The following TOX variants were observed in gnomAD, a reference collection of about 807,000 sequenced individuals.
The protein encoded by TOX is thymocyte selection-associated high mobility group box protein TOX.
In TOX, 11 loss-of-function variants were observed where a neutral mutation model predicts 53.7. That is an observed-to-expected ratio of 0.20 (90% CI 0.13 to 0.34). The LOEUF (loss-of-function observed/expected upper bound fraction) is 0.34, where lower values mean the gene tolerates loss of function less well. Ranked by LOEUF, TOX falls within the 10% of genes least tolerant of loss-of-function variation. TOX has a pLI of 1.00. For synonymous variants in TOX, 225 were observed against 245.3 expected (o/e 0.92, Z 0.77); for missense variants, 570 against 664.6 (o/e 0.86, Z 1.56).
chr8:59,022,428 C>A (rs539628568), intron 1 of TOX, among the ~76,000 whole-genome samples: 2 of 152,202 alleles, frequency 1.3e-5, no homozygotes, highest in Non-Finnish European at 2.9e-5. Context: ...CTTTCTAGAC[C>A]CCATTTACAA....
chr8:58,827,035 A>C, intron 5 of TOX, 133 bp from the exon 6 acceptor site: 1 of 496,708 alleles, frequency 2.0e-6, no homozygotes. Context: ...TATCTCCCCA[A>C]AGATTGTGTT....
At chr8:58,966,876 T>TA (rs1812911711) in intron 1 of TOX, among the ~76,000 whole-genome samples, 1 of 145,338 alleles carries the variant, frequency 6.9e-6, no homozygotes. Context: ...AGTTATTCTT[T>TA]TTTTTTTTTT....
intron 1 of TOX, among the ~76,000 whole-genome samples, chr8:59,082,346 AGGCCTT>A (rs1198627688): frequency 6.6e-6 from 1 of 152,248 alleles, no homozygotes; most frequent in African/African-American, 2.4e-5. Flanking sequence ...GTTTTCCATG[AGGCCTT>A]GGCCTTGAGG....
rs1377414252 is a variant in TOX, at chr8:58,851,495, C to T, written c.693+29G>A. 4 of 1,609,228 alleles carry T rather than the reference C, an allele frequency of 2.5e-6. No homozygotes were observed. Among genetic ancestry groups the T allele is most frequent in the African/African-American group, 1.3e-5 (1 of 74,734 alleles). ...AAGAAGGTGCCTAAGAATAGTCTCC[C>T]ATAGGTCCTAAAAATAACTTATTCA... On this transcript the variant is annotated intron_variant, in intron 4 of 8. Coordinates refer to ENST00000361421, the MANE Select transcript of TOX (RefSeq NM_014729.3). The surrounding 1 kb of genome is among the most constrained non-coding windows in gnomAD (Gnocchi z 4.4).
chr8:58,830,906 T>TA (rs1420258354), intron 5 of TOX, among the ~76,000 whole-genome samples: 2 of 152,186 alleles, frequency 1.3e-5, no homozygotes, highest in African/African-American at 4.8e-5. Context: ...CAATATTTTT[T>TA]AGAAATTTAA....
chr8:58,972,477 T>A (rs915650688), intron 1 of TOX, among the ~76,000 whole-genome samples: 1 of 152,204 alleles, frequency 6.6e-6, no homozygotes, highest in Admixed American at 6.5e-5. Flanking sequence ...CAGTTTGACA[T>A]GAAAATATAA....
At chr8:59,093,823 T>C (rs142104673) in intron 1 of TOX, among the ~76,000 whole-genome samples, 166 of 152,336 alleles carry the variant, frequency 1.1e-3, no homozygotes, top group African/African-American at 3.8e-3. Context: ...CCAGGAGGAT[T>C]CAATTACAGA....
chr8:58,820,983 T>TTTGACAGTCCAACCCCATA (rs1252626627), intron 6 of TOX, among the ~76,000 whole-genome samples: 2 of 152,218 alleles, frequency 1.3e-5, no homozygotes, highest in Non-Finnish European at 2.9e-5. Context: ...TTAAGCTTTA[T>TTTGACAGTCCAACCCCATA]TTGACAGTCC....
intron 7 of TOX, among the ~76,000 whole-genome samples, chr8:58,809,834 G>A (rs1002931334): frequency 6.6e-6 from 1 of 152,210 alleles, no homozygotes; most frequent in African/African-American, 2.4e-5. Flanking sequence ...ATCAGAGAGT[G>A]TTTCAAATAC....
intron 1 of TOX, among the ~76,000 whole-genome samples, chr8:59,026,435 G>A (rs1814239939): frequency 6.6e-6 from 1 of 152,130 alleles, no homozygotes; most frequent in Admixed American, 6.6e-5. Flanking sequence ...AAGGAGGCAG[G>A]GCACAGGGAT....
intron 1 of TOX, among the ~76,000 whole-genome samples, chr8:59,006,004 C>T (rs1013914680): frequency 1.3e-5 from 2 of 152,200 alleles, no homozygotes; most frequent in Non-Finnish European, 2.9e-5. Flanking sequence ...CCTCAGTTTC[C>T]CAGATGTGCA....
chr8:58,965,894 GTTTTTTTTTTTTTTTT>G (rs67045037), intron 1 of TOX, among the ~76,000 whole-genome samples: 7 of 49,616 alleles, frequency 1.4e-4, no homozygotes, highest in Non-Finnish European at 2.6e-4. Context: ...ACGAGTCATC[GTTTTTTTTTTTTTTTT>G]TTTTTTTTTT....
chr8:59,065,231 C>T (rs1215273074), intron 1 of TOX, among the ~76,000 whole-genome samples: 1 of 151,994 alleles, frequency 6.6e-6, no homozygotes, highest in African/African-American at 2.4e-5. Flanking sequence ...ACAACAACAA[C>T]AACAAAAAAA....
intron 3 of TOX, among the ~76,000 whole-genome samples, chr8:58,936,875 G>A (rs1352667482): frequency 6.6e-6 from 1 of 152,180 alleles, no homozygotes; most frequent in Non-Finnish European, 1.5e-5. Flanking sequence ...CTGGGTGAAT[G>A]CGGCTACTTA....
Position 59,089,825 on chromosome 8 carries a change from C to T in TOX, c.102+29061G>A, listed in dbSNP as rs544785801. On this transcript the variant is annotated intron_variant, in intron 1 of 8. Coordinates refer to ENST00000361421, the MANE Select transcript of TOX (RefSeq NM_014729.3). ...GTCTCAAATTCCCAAGTTCAAGTGA[C>T]CTCCTGTCTTGGCCTCACAAAATGC... is the stretch of plus-strand genomic sequence containing the variant. Among the ~76,000 whole-genome samples, 8 of 152,318 alleles carry T rather than the reference C, an allele frequency of 5.3e-5. No homozygotes were observed. In the South Asian group the frequency reaches 1.0e-3, roughly 20 times the overall value.
At chr8:58,835,349 T>C (rs1162578725) in intron 5 of TOX, among the ~76,000 whole-genome samples, 1 of 152,218 alleles carries the variant, frequency 6.6e-6, no homozygotes, top group Non-Finnish European at 1.5e-5. Flanking sequence ...ATTGTAATTA[T>C]ATCCACATTA....
chr8:59,038,886 C>G (rs973271398), intron 1 of TOX, among the ~76,000 whole-genome samples: 2 of 152,250 alleles, frequency 1.3e-5, no homozygotes, highest in African/African-American at 4.8e-5. Flanking sequence ...GCGTCCTGCT[C>G]TCCTGCAGCC....
At chr8:58,872,365 T>G (rs573248523) in intron 3 of TOX, among the ~76,000 whole-genome samples, 1 of 152,262 alleles carries the variant, frequency 6.6e-6, no homozygotes, top group Admixed American at 6.5e-5. Context: ...ATAATTTATG[T>G]AGTTGTACAC....
chr8:59,114,654 C>T (rs1438069419), intron 1 of TOX, among the ~76,000 whole-genome samples: 1 of 152,170 alleles, frequency 6.6e-6, no homozygotes, highest in African/African-American at 2.4e-5. Context: ...AAGCATGATG[C>T]TCTAAACTGC....
Sources: gnomAD v4.1 joint callset for allele counts (sites outside exome capture counted in the v4.1 genomes callset) on GRCh38, gnomAD v4.1.1 for gene constraint, Gnocchi (gnomAD v3.1) non-coding constraint, MANE v1.5 for transcripts, NCBI Gene and HGNC (gene_info 2026-07-23, HGNC 2026-07-21) for gene names.